Variants in MYBPC1 observed in about 807,000 individuals in gnomAD.
MYBPC1 encodes myosin binding protein C1.
MYBPC1 carries 52 observed loss-of-function variants against 147.1 expected under a neutral mutation model. The ratio of observed to expected loss-of-function variants is 0.35; its 90% CI spans 0.28 to 0.45. The LOEUF is 0.45. MYBPC1 is among the 20% of genes least tolerant of loss of function. The probability of loss-of-function intolerance (pLI) is 1.00; values close to 1 mark genes in which losing one functional copy is unlikely to be tolerated. For missense variants in MYBPC1, 1,228 were observed against 1,440.3 expected, an observed-to-expected ratio of 0.85 and a Z score of 2.39; for synonymous variants, 477 against 475.9, an observed-to-expected ratio of 1.00 and a Z score of -0.03.
At chr12:101,643,071 GA>G (rs1241366944) in intron 11 of MYBPC1, among the ~76,000 whole-genome samples, 1 of 151,848 alleles carries the variant, frequency 6.6e-6, no homozygotes, top group Non-Finnish European at 1.5e-5. Flanking sequence ...AAAGTGGAAA[GA>G]AAAAAAGGAG....
rs769733016 is a variant in MYBPC1 at position 101,632,066 on chromosome 12, G to T, written c.484G>T (p.Ala162Ser). 8 of 1,614,092 alleles carry T rather than the reference G, an allele frequency of 5.0e-6. No homozygotes were observed. In the South Asian group the frequency reaches 8.8e-5, roughly 18 times the overall value. The change falls in exon 8 of 32, where the codon GCA becomes TCA. Residue 162 changes from alanine (A) to serine (S), a missense_variant. Physicochemically the swap from Ala to Ser is moderately conservative, Grantham distance 99. Transcript: ENST00000361466. ...MQIIKAKDNF[A>S]GNYRCEVTYK... ...GATCATCAAGGCCAAAGATAACTTT[G>T]CAGGAAATTACAGATGCGAGGTCAC... is the stretch of plus-strand genomic sequence containing the variant.
chr12:101,684,619 C>T (rs1594103745), intron 31 of MYBPC1, among the ~76,000 whole-genome samples, 195 bp downstream of exon 31: 3 of 152,260 alleles, frequency 2.0e-5, no homozygotes, highest in South Asian at 4.1e-4. Flanking sequence ...CAGCAGTCTC[C>T]TACTGACATG....
rs368813894 is a variant in MYBPC1 at position 101,631,252 on chromosome 12, A to G, written c.290-319A>G. Among the ~76,000 whole-genome samples the G allele has an allele frequency of 3.3e-5, 5 of 152,344 alleles. No homozygotes were observed. In the East Asian group the frequency reaches 9.6e-4, roughly 29 times the overall value. On this transcript the variant is annotated intron_variant, in intron 6 of 31. Coordinates refer to ENST00000361466, the MANE Select transcript of MYBPC1 (RefSeq NM_002465.4). ...CCATATATGCAATAAAAGTTCACAT[A>G]TATCATACATATCCATATATGTCCA...
the MYBPC1 span, among the ~76,000 whole-genome samples, chr12:101,691,917 C>T: frequency 4.4e-4 from 67 of 152,210 alleles, no homozygotes; most frequent in Non-Finnish European, 7.8e-4. Flanking sequence ...AGATAGTCTG[C>T]ATTACAAGGT....
At chr12:101,679,236 G>C (rs185093438) in intron 28 of MYBPC1, among the ~76,000 whole-genome samples, 2 of 152,196 alleles carry the variant, frequency 1.3e-5, no homozygotes, top group Admixed American at 6.5e-5. Context: ...TGGAAATGAT[G>C]TTGGTACATC....
At position 101,652,393 on chromosome 12, in the gene MYBPC1, C is replaced by T. The variant is rs10778134; in HGVS notation, c.1527-285C>T. On this transcript the variant is annotated intron_variant, in intron 16 of 31. Transcript: ENST00000361466. Reference sequence around the variant, plus strand: ...ATGTTCTATTTTAGCCTTTTTAAAGCTATGAGATGAAAAAAAAGAATAATA... The same window carrying T: ...ATGTTCTATTTTAGCCTTTTTAAAGTTATGAGATGAAAAAAAAGAATAATA... Among the ~76,000 whole-genome samples, 66,650 of 151,796 alleles carry T rather than the reference C, an allele frequency of 0.44. 15,275 individuals carry two copies. Among genetic ancestry groups the T allele is most frequent in the Admixed American group, 0.6 (9,188 of 15,264 alleles).
At chr12:101,658,887 T>A (rs575909652) in intron 18 of MYBPC1, among the ~76,000 whole-genome samples, 1 of 152,322 alleles carries the variant, frequency 6.6e-6, no homozygotes, top group East Asian at 1.9e-4. Flanking sequence ...TAGTATTTAG[T>A]GGCAAATAAC....
chr12:101,624,092 C>A (rs1404042821), intron 3 of MYBPC1, among the ~76,000 whole-genome samples: 2 of 152,066 alleles, frequency 1.3e-5, no homozygotes, highest in South Asian at 2.1e-4. Flanking sequence ...CACATAAACA[C>A]AAAACAATAA....
At chr12:101,647,596 C>CAAAACAAAAT (rs1458388486) in intron 13 of MYBPC1, among the ~76,000 whole-genome samples, 2 of 152,092 alleles carry the variant, frequency 1.3e-5, no homozygotes, top group Non-Finnish European at 2.9e-5. Flanking sequence ...CAAAACAAAA[C>CAAAACAAAAT]AAAACTCACA....
chr12:101,668,021 GCTTTAA>G (rs1897811666), intron 23 of MYBPC1, 122 bp downstream of exon 23: 1 of 37,024 alleles, frequency 2.7e-5, no homozygotes. Flanking sequence ...TTTTGTTAAT[GCTTTAA>G]TGCTTCCTAA....
intron 29 of MYBPC1, among the ~76,000 whole-genome samples, chr12:101,681,472 G>A (rs1225820297): frequency 2.2e-5 from 3 of 138,102 alleles, no homozygotes; most frequent in Non-Finnish European, 4.6e-5. Flanking sequence ...AAATGCTTGG[G>A]TATTTATGTT....
chr12:101,636,600 G>C (rs374078215), intron 9 of MYBPC1, 72 bp from the exon 10 acceptor site: 424 of 1,252,884 alleles, frequency 3.4e-4, no homozygotes, highest in Non-Finnish European at 4.7e-4. Flanking sequence ...GTTACATGTA[G>C]AGTGTTTGGG....
At chr12:101,611,702 A>G (rs1884327464) in intron 1 of MYBPC1, among the ~76,000 whole-genome samples, 1 of 152,248 alleles carries the variant, frequency 6.6e-6, no homozygotes, top group South Asian at 2.1e-4. Context: ...AGACTATTAG[A>G]AAATAATTAA....
At chr12:101,623,739 TA>T (rs1218118606) in intron 3 of MYBPC1, among the ~76,000 whole-genome samples, 4 of 152,170 alleles carry the variant, frequency 2.6e-5, no homozygotes, top group Non-Finnish European at 5.9e-5. Flanking sequence ...TTTCAGTAAA[TA>T]AAAACCTCTG....
In MYBPC1 at chr12:101,665,088, T is replaced by C. The variant is rs919652375; in HGVS notation, c.2356+1528T>C. 9.2e-5 allele frequency among the ~76,000 whole-genome samples: 14 copies of C among 152,288 alleles called. 3 individuals are homozygous for C. Among genetic ancestry groups the C allele is most frequent in the Admixed American group, 9.1e-4 (14 of 15,304 alleles). ...AAAGTAAGAAGATACAGCAAAATGA[T>C]AGATGGCTGTCATTTTGATGTTACC... On this transcript the variant is annotated intron_variant, in intron 22 of 31. Transcript: ENST00000361466.
intron 3 of MYBPC1, among the ~76,000 whole-genome samples, chr12:101,623,819 G>A (rs1887971402): frequency 1.3e-5 from 2 of 152,178 alleles, no homozygotes; most frequent in South Asian, 4.1e-4. Flanking sequence ...TGGGAAAATT[G>A]TGAGTTATTT....
At chr12:101,684,490 A>C in intron 31 of MYBPC1, 66 bp downstream of exon 31, 1 of 1,211,270 alleles carries the variant, frequency 8.3e-7, no homozygotes, top group Non-Finnish European at 1.2e-6. Flanking sequence ...AAGCCTGTGG[A>C]GTATGGCATG....
intron 10 of MYBPC1, among the ~76,000 whole-genome samples, chr12:101,637,873 C>T (rs188128283): frequency 9.9e-5 from 15 of 152,240 alleles, no homozygotes; most frequent in Admixed American, 6.5e-4. Flanking sequence ...GGCTATTAGC[C>T]CATCAATAGA....
intron 8 of MYBPC1, among the ~76,000 whole-genome samples, chr12:101,633,376 G>A (rs1890306287): frequency 6.6e-6 from 1 of 152,202 alleles, no homozygotes; most frequent in African/African-American, 2.4e-5. Context: ...ATGATGAGGA[G>A]GTGAATTTTG....
Sources: gnomAD v4.1 joint callset for allele counts (sites outside exome capture counted in the v4.1 genomes callset) on GRCh38, gnomAD v4.1.1 for gene constraint, MANE v1.5 for transcripts, NCBI Gene and HGNC (gene_info 2026-07-23, HGNC 2026-07-21) for gene names.